ETNK1: variants seen among roughly 807,000 people sequenced by gnomAD.
ETNK1 encodes ethanolamine kinase 1.
In ETNK1, 8 loss-of-function variants were observed where a neutral mutation model predicts 45.1. That is an observed-to-expected ratio of 0.18 (90% CI 0.10 to 0.32). ETNK1 has a LOEUF of 0.32. Ranked by LOEUF, ETNK1 falls within the 10% of genes least tolerant of loss-of-function variation. The probability of loss-of-function intolerance (pLI) is 1.00; values close to 1 mark genes in which losing one functional copy is unlikely to be tolerated. For missense variants in ETNK1, 302 were observed against 430.6 expected (o/e 0.70, Z 2.64); for synonymous variants, 152 against 151.9 (o/e 1.00, Z -0.01).
chr12:22,639,254 C>T (rs1295969561), intron 1 of ETNK1, among the ~76,000 whole-genome samples: 2 of 151,730 alleles, frequency 1.3e-5, no homozygotes, highest in Non-Finnish European at 2.9e-5. Flanking sequence ...GGTTTTACCA[C>T]GTTGGCCAGG....
intron 2 of ETNK1, among the ~76,000 whole-genome samples, chr12:22,648,925 T>C (rs1166250873): frequency 6.6e-6 from 1 of 152,088 alleles, no homozygotes; most frequent in Non-Finnish European, 1.5e-5. Context: ...CTAATAGATA[T>C]ATAGTGGTAT....
At chr12:22,650,567 A>T (rs1302599315) in intron 2 of ETNK1, among the ~76,000 whole-genome samples, 1 of 151,922 alleles carries the variant, frequency 6.6e-6, no homozygotes, top group East Asian at 1.9e-4. Context: ...CTGTTAATGT[A>T]TTGGATTACA....
rs1165867200 is a variant in ETNK1 at position 22,685,986 on chromosome 12, C to A, written c.*1032C>A. ...TTTAGTTTCATGTTTTAGTTTGATT[C>A]TATGTTTTTAGACTGATAGCAAATG... On this transcript the variant is annotated 3_prime_UTR_variant, in exon 8 of 8. Transcript: ENST00000266517. 1 of 152,066 alleles carries A rather than the reference C, an allele frequency of 6.6e-6. No homozygotes were observed. The highest frequency in any genetic ancestry group is 1.5e-5 in the Non-Finnish European group (1 of 67,748). 9.4% of individuals were successfully genotyped at this position (152,066 alleles called of 1,614,324 possible).
intron 4 of ETNK1, among the ~76,000 whole-genome samples, chr12:22,665,083 T>C (rs1592131789): frequency 1.3e-5 from 2 of 152,170 alleles, no homozygotes; most frequent in East Asian, 3.9e-4. Flanking sequence ...GCTTAGTTAC[T>C]ATCAAGAGAA....
rs1302365930 is a variant in ETNK1 at position 22,686,398 on chromosome 12, A to G, written c.*1444A>G. On this transcript the variant is annotated 3_prime_UTR_variant, in exon 8 of 8. Transcript: ENST00000266517. The stretch of plus-strand genomic sequence containing the variant: ...TACAAAGTTGGCTTACTGGATCTGC[A>G]TATTCAAAATATGCAACTACAAATT... The G allele has an allele frequency of 3.3e-5, 5 of 152,342 alleles. No individual in the cohort carries two copies. The highest frequency in any genetic ancestry group is 1.3e-4 in the Admixed American group (2 of 15,242). 9.4% of individuals were successfully genotyped at this position (152,342 alleles called of 1,614,324 possible). A position where few individuals can be genotyped will look rare whatever the true frequency, so the allele number is the denominator to read the frequency against.
intron 6 of ETNK1, among the ~76,000 whole-genome samples, chr12:22,676,753 C>G (rs1954166390): frequency 6.6e-6 from 1 of 152,114 alleles, no homozygotes; most frequent in African/African-American, 2.4e-5. Context: ...TTGCATTTCT[C>G]TAATGACTAG....
At chr12:22,659,506 A>C (rs73080488) in intron 3 of ETNK1, among the ~76,000 whole-genome samples, 10,513 of 152,276 alleles carry the variant, frequency 0.069, 513 homozygotes, top group South Asian at 0.14. Context: ...ATATAGAATA[A>C]GAGCACAAGA....
At chr12:22,649,046 A>G (rs1436490092) in intron 2 of ETNK1, among the ~76,000 whole-genome samples, 2 of 152,066 alleles carry the variant, frequency 1.3e-5, no homozygotes, top group Non-Finnish European at 2.9e-5. Context: ...TATTTGGTCC[A>G]TTTTTAAATT....
At chr12:22,659,622 A>G (rs1003942002) in intron 3 of ETNK1, among the ~76,000 whole-genome samples, 2 of 152,166 alleles carry the variant, frequency 1.3e-5, no homozygotes, top group Non-Finnish European at 2.9e-5. Flanking sequence ...TATCTATAAA[A>G]TGGAAATTAC....
chr12:22,625,334 C>T lies in ETNK1; in HGVS notation c.-97C>T, dbSNP rs1183216814. 16 of 1,588,200 alleles carry T rather than the reference C, an allele frequency of 1.0e-5. No homozygotes were observed. Among genetic ancestry groups the T allele is most frequent in the Admixed American group, 3.5e-5 (2 of 56,868 alleles). On this transcript the variant is annotated 5_prime_UTR_variant, in exon 1 of 8. Coordinates refer to ENST00000266517, the MANE Select transcript of ETNK1 (RefSeq NM_018638.5). The stretch of plus-strand genomic sequence containing the variant: ...CGCCCCCAGCCCTCCCGCGAGGGCG[C>T]CCCGGGACGGAAGGATCCACCAGTC...
chr12:22,657,773 G>A (rs1284336263), intron 2 of ETNK1, among the ~76,000 whole-genome samples: 1 of 152,168 alleles, frequency 6.6e-6, no homozygotes, highest in African/African-American at 2.4e-5. Context: ...GAGTGATGCA[G>A]TTAGGATTGA....
intron 6 of ETNK1, among the ~76,000 whole-genome samples, chr12:22,675,983 A>ATTTATTTCAATT (rs1349336090): frequency 7.9e-5 from 12 of 152,182 alleles, no homozygotes; most frequent in Non-Finnish European, 8.8e-5. Flanking sequence ...AAGAAACATT[A>ATTTATTTCAATT]AAAGCCCGTT....
At chr12:22,634,570 T>C (rs1953629180) in intron 1 of ETNK1, among the ~76,000 whole-genome samples, 1 of 152,234 alleles carries the variant, frequency 6.6e-6, no homozygotes, top group Non-Finnish European at 1.5e-5. Context: ...TAAGAAGTTA[T>C]CAACTGTATT....
chr12:22,660,604 G>C (rs1400028468), intron 3 of ETNK1, among the ~76,000 whole-genome samples: 2 of 151,784 alleles, frequency 1.3e-5, no homozygotes, highest in Admixed American at 6.6e-5. Flanking sequence ...TGAGAATTTA[G>C]ATTTATATTG....
chr12:22,656,629 A>G (rs1953944576), intron 2 of ETNK1: 50 of 985,286 alleles, frequency 5.1e-5, no homozygotes, highest in Non-Finnish European at 5.8e-5. Context: ...TGAATCCAGC[A>G]TGGAGCAGAC....
intron 1 of ETNK1, among the ~76,000 whole-genome samples, chr12:22,633,143 A>G (rs2137518321): frequency 6.6e-6 from 1 of 152,334 alleles, no homozygotes; most frequent in Admixed American, 6.5e-5. Flanking sequence ...CAGCTTTGTT[A>G]GACACTTTCA....
At chr12:22,657,921 A>C (rs775885017) in intron 2 of ETNK1, among the ~76,000 whole-genome samples, 9 of 152,224 alleles carry the variant, frequency 5.9e-5, no homozygotes, top group South Asian at 2.1e-4. Flanking sequence ...TAATAATAAA[A>C]ATGTGTTATT....
intron 2 of ETNK1, among the ~76,000 whole-genome samples, chr12:22,652,828 T>C (rs1953895414): frequency 6.6e-6 from 1 of 152,166 alleles, no homozygotes; most frequent in Admixed American, 6.5e-5. Context: ...TGGTGCGTAG[T>C]TTTTAATTTT....
chr12:22,634,960 C>G (rs1592112041), intron 1 of ETNK1, among the ~76,000 whole-genome samples: 1 of 152,116 alleles, frequency 6.6e-6, no homozygotes, highest in Non-Finnish European at 1.5e-5. Flanking sequence ...TGTTATTTTT[C>G]TAGCTTCTTG....
Sources: gnomAD v4.1 joint callset for allele counts (sites outside exome capture counted in the v4.1 genomes callset) on GRCh38, gnomAD v4.1.1 for gene constraint, MANE v1.5 for transcripts, NCBI Gene and HGNC (gene_info 2026-07-23, HGNC 2026-07-21) for gene names.